PPP6R3: variants seen among roughly 807,000 people sequenced by gnomAD.
PPP6R3 encodes the protein protein phosphatase 6 regulatory subunit 3, also known as serine/threonine-protein phosphatase 6 regulatory subunit 3.
A neutral mutation model predicts 110.7 loss-of-function variants in PPP6R3; 38 were observed. That is an observed-to-expected ratio of 0.34 (90% confidence interval 0.26 to 0.45). PPP6R3 has a LOEUF of 0.45. Ranked by LOEUF, PPP6R3 falls within the 20% of genes least tolerant of loss-of-function variation. The pLI, the probability that PPP6R3 is intolerant of heterozygous loss-of-function variation, is 1.00. For missense variants in PPP6R3, 870 were observed against 1,062.4 expected (o/e 0.82, Z 2.52); for synonymous variants, 369 against 373.5 (o/e 0.99, Z 0.14).
intron 22 of PPP6R3, among the ~76,000 whole-genome samples, chr11:68,608,449 C>T (rs1198616591): frequency 1.3e-5 from 2 of 152,186 alleles, no homozygotes; most frequent in Non-Finnish European, 2.9e-5. Flanking sequence ...GCCCTGGTGG[C>T]CTGCTGGTGA....
intron 2 of PPP6R3, among the ~76,000 whole-genome samples, chr11:68,529,591 A>C (rs181537246): frequency 2.6e-5 from 4 of 152,188 alleles, no homozygotes; most frequent in Admixed American, 2.0e-4. Flanking sequence ...TTGATGCAAG[A>C]TCTAGCTCTT....
intron 1 of PPP6R3, among the ~76,000 whole-genome samples, chr11:68,499,371 G>T (rs1005058332): frequency 6.6e-6 from 1 of 152,154 alleles, no homozygotes; most frequent in African/African-American, 2.4e-5. Flanking sequence ...GTTGGTGGGA[G>T]ACCTCAGGTC....
At chr11:68,584,471 A>T (rs1288868627) in intron 15 of PPP6R3, among the ~76,000 whole-genome samples, 1 of 152,214 alleles carries the variant, frequency 6.6e-6, no homozygotes, top group Non-Finnish European at 1.5e-5. Flanking sequence ...GATGATATCA[A>T]ATGTAAATTA....
In PPP6R3 at chr11:68,477,741, A is replaced by AAAAAATATAT; in HGVS notation, c.-158+16915_-158+16916insAAAATATATA. ...GACATTGTCTCTTAAAAAAAAAAAA[A>AAAAAATATAT]ATATATATATATATATATATATATA... On this transcript the variant is annotated intron_variant, in intron 1 of 23. Coordinates refer to ENST00000393800, the MANE Select transcript of PPP6R3 (RefSeq NM_001164161.2). Among the ~76,000 whole-genome samples the AAAAAATATAT allele has an allele frequency of 7.6e-3, 437 of 57,872 alleles. 3 individuals are homozygous for AAAAAATATAT. The highest frequency in any genetic ancestry group is 9.7e-3 in the Non-Finnish European group (290 of 30,038). 38.0% of individuals were successfully genotyped at this position (57,872 alleles called of 152,430 possible).
chr11:68,597,111 T>C (rs780252719), intron 19 of PPP6R3, among the ~76,000 whole-genome samples: 4 of 152,246 alleles, frequency 2.6e-5, no homozygotes, highest in Non-Finnish European at 4.4e-5. Context: ...GTTCCTACTG[T>C]ATGCCAGGTG....
At chr11:68,477,675 T>G (rs1314884226) in intron 1 of PPP6R3, among the ~76,000 whole-genome samples, 1 of 146,852 alleles carries the variant, frequency 6.8e-6, no homozygotes, top group Non-Finnish European at 1.5e-5. Flanking sequence ...TGCAGTAAGC[T>G]GTGATTGCGC....
At chr11:68,559,599 C>A (rs941315736) in intron 8 of PPP6R3, among the ~76,000 whole-genome samples, 20 of 152,196 alleles carry the variant, frequency 1.3e-4, no homozygotes, top group Non-Finnish European at 2.9e-4. Context: ...CCTGCTTCCC[C>A]AATTCCTGAT....
In PPP6R3 at chr11:68,548,167, G is replaced by C; in HGVS notation, c.515G>C (p.Cys172Ser). 6.2e-7 allele frequency: 1 copy of C among 1,614,178 alleles called. No individual in the cohort carries two copies. Among genetic ancestry groups the C allele is most frequent in the Non-Finnish European group, 8.5e-7 (1 of 1,180,026 alleles). The change falls in exon 5 of 24, where the codon TGT (cysteine) becomes TCT (serine). Residue 172 changes from cysteine to serine, a missense_variant. Physicochemically the swap from Cys to Ser is moderately radical, Grantham distance 112 (BLOSUM62 -1). Coordinates refer to ENST00000393800, the MANE Select transcript of PPP6R3 (RefSeq NM_001164161.2). ...IMDLLLRLLT[C>S]IEPPQPRQDV... ...GATTTGTTGCTCAGGCTCCTGACGT[G>C]TATCGAACCTCCACAGCCCAGGCAA... is the stretch of plus-strand genomic sequence containing the variant.
rs1325311206 is a variant in PPP6R3, at chr11:68,548,108, TATTATA to T, written c.458_463del (p.Ile153_Ile154del). On this transcript the variant is annotated inframe_deletion, in exon 5 of 24. Coordinates refer to ENST00000393800, the MANE Select transcript of PPP6R3 (RefSeq NM_001164161.2). ...AGAAGAAGCATGATTTTGTAGACCT[TATTATA>T]AAGCACATAGGAACTTCTGCTATCA... The T allele has an allele frequency of 6.2e-7, 1 of 1,613,920 alleles. No individual in the cohort carries two copies.
chr11:68,491,386 C>T (rs1372496176), intron 1 of PPP6R3, among the ~76,000 whole-genome samples: 1 of 131,080 alleles, frequency 7.6e-6, no homozygotes, highest in Non-Finnish European at 1.7e-5. Context: ...GTGTTTGAGA[C>T]AGAGTCTTGC....
chr11:68,464,464 A>G (rs956646311), intron 1 of PPP6R3, among the ~76,000 whole-genome samples: 4 of 152,074 alleles, frequency 2.6e-5, no homozygotes, highest in Non-Finnish European at 4.4e-5. Flanking sequence ...CTCAGACAAT[A>G]CTGAAATGCA....
intron 1 of PPP6R3, chr11:68,515,067 G>T (rs1475820117): frequency 6.6e-6 from 1 of 152,230 alleles, no homozygotes; most frequent in African/African-American, 2.4e-5. Flanking sequence ...ACCAGATGTG[G>T]AGTAGATGGG....
At chr11:68,581,116 C>T (rs1371394250) in intron 14 of PPP6R3, among the ~76,000 whole-genome samples, 1 of 152,170 alleles carries the variant, frequency 6.6e-6, no homozygotes, top group Admixed American at 6.5e-5. Context: ...ATTTCAGACT[C>T]AGATGGTGTA....
rs1171122123 is a variant in PPP6R3 at position 68,554,173 on chromosome 11, G to C, written c.647G>C (p.Cys216Ser). 5.0e-6 allele frequency: 8 copies of C among 1,612,944 alleles called. No homozygotes were observed. Among genetic ancestry groups the C allele is most frequent in the Non-Finnish European group, 6.8e-6 (8 of 1,179,574 alleles). ...DRHSNASQSL[C>S]EIVRLSRDQM... ...CATTCAAATGCATCACAATCACTTTGTGAAATTGTTCGCCTGAGCAGAGAC... is the reference window on the plus strand; with the variant it reads ...CATTCAAATGCATCACAATCACTTTCTGAAATTGTTCGCCTGAGCAGAGAC... The change falls in exon 7 of 24, where the codon TGT becomes TCT. Residue 216 changes from cysteine (C) to serine (S), a missense_variant. Cys to Ser is a moderately radical substitution (Grantham distance 112). Transcript: ENST00000393800.
At chr11:68,560,750 C>T (rs2099415901) in intron 8 of PPP6R3, among the ~76,000 whole-genome samples, 1 of 152,152 alleles carries the variant, frequency 6.6e-6, no homozygotes, top group African/African-American at 2.4e-5. Context: ...ATTTGTTCCT[C>T]TGTATCTGCT....
intron 18 of PPP6R3, among the ~76,000 whole-genome samples, chr11:68,594,027 T>G (rs2099603748): frequency 6.6e-6 from 1 of 152,006 alleles, no homozygotes; most frequent in Admixed American, 6.6e-5. Context: ...GGAAATGATT[T>G]AAATACAAAG....
chr11:68,489,865 C>T (rs2098972949), intron 1 of PPP6R3, among the ~76,000 whole-genome samples: 1 of 151,930 alleles, frequency 6.6e-6, no homozygotes, highest in African/African-American at 2.4e-5. Context: ...CCAAGGTATG[C>T]CTTTACCAGT....
intron 1 of PPP6R3, among the ~76,000 whole-genome samples, chr11:68,468,799 C>G (rs1380613542): frequency 6.6e-6 from 1 of 152,170 alleles, no homozygotes; most frequent in Non-Finnish European, 1.5e-5. Context: ...AACATAATTT[C>G]TGCTGGTGGA....
chr11:68,537,926 T>C, intron 3 of PPP6R3, 35 bp downstream of exon 3: 1 of 1,460,982 alleles, frequency 6.8e-7, no homozygotes, highest in Non-Finnish European at 9.5e-7. Context: ...AGAGTGGGAC[T>C]AAAGTGAAGT....
Sources: allele counts gnomAD v4.1 joint callset (sites outside exome capture counted in the v4.1 genomes callset), GRCh38; gene constraint gnomAD v4.1.1; transcripts MANE v1.5; gene names NCBI Gene and HGNC (gene_info 2026-07-23, HGNC 2026-07-21).